CDH13: variants seen among roughly 807,000 people sequenced by gnomAD.
The protein encoded by CDH13 is cadherin 13.
In CDH13, 24 loss-of-function variants were observed where a neutral mutation model predicts 63.8. The observed-to-expected ratio is 0.38, with a 90% confidence interval of 0.27 to 0.53. The LOEUF is 0.53. Among genes scored for constraint, CDH13 ranks in the 20% least tolerant of loss-of-function variants. The pLI is 0.85. For missense variants in CDH13, 1,049 were observed against 903.1 expected (o/e 1.16, Z -2.07); for synonymous variants, 503 against 355.3 (o/e 1.42, Z -4.67).
intron 1 of CDH13, among the ~76,000 whole-genome samples, chr16:82,662,438 A>G (rs922461211): frequency 3.3e-5 from 5 of 152,222 alleles, no homozygotes; most frequent in African/African-American, 9.7e-5. Context: ...ATGAAAACTG[A>G]TGAAAATGAT....
At chr16:82,748,305 C>T (rs906984899) in intron 1 of CDH13, among the ~76,000 whole-genome samples, 1 of 152,182 alleles carries the variant, frequency 6.6e-6, no homozygotes, top group African/African-American at 2.4e-5. Flanking sequence ...GGCTTCATTG[C>T]ACATGGCAAT....
intron 6 of CDH13, among the ~76,000 whole-genome samples, chr16:83,433,251 C>G (rs955131302): frequency 2.0e-5 from 3 of 152,214 alleles, no homozygotes; most frequent in East Asian, 1.9e-4. Flanking sequence ...TAGTCCATGA[C>G]TATTTGCTTA....
intron 2 of CDH13, among the ~76,000 whole-genome samples, chr16:82,945,046 C>T (rs1471986813): frequency 5.3e-5 from 8 of 151,948 alleles, no homozygotes; most frequent in East Asian, 1.9e-4. Flanking sequence ...TTCCTGAGAG[C>T]CAAAACAAAA....
At chr16:83,153,556 A>T (rs938034760) in intron 4 of CDH13, among the ~76,000 whole-genome samples, 4 of 152,226 alleles carry the variant, frequency 2.6e-5, no homozygotes, top group Non-Finnish European at 4.4e-5. Context: ...AGCTCCTCCC[A>T]AAGTTAGTTC....
rs185501368 is a variant in CDH13, at chr16:82,994,033, C to A, written c.158-37977C>A. 6.6e-5 allele frequency among the ~76,000 whole-genome samples: 10 copies of A among 152,296 alleles called. No homozygotes were observed. The East Asian group carries it at 1.9e-3, about 29-fold the overall frequency. On this transcript the variant is annotated intron_variant, in intron 2 of 13. Coordinates refer to ENST00000567109, the MANE Select transcript of CDH13 (RefSeq NM_001257.5). ...ACGGAAATGTCTTCTGCAGAGCCAG[C>A]CCATTCCCTCTGGTGCTGGTCTCAG...
chr16:83,128,248 G>A (rs1017441975), intron 4 of CDH13, among the ~76,000 whole-genome samples: 3 of 152,176 alleles, frequency 2.0e-5, no homozygotes, highest in African/African-American at 7.2e-5. Context: ...ATATGCAGCC[G>A]AGGTGGAGGA....
intron 6 of CDH13, among the ~76,000 whole-genome samples, chr16:83,381,419 G>T (rs988884065): frequency 6.6e-6 from 1 of 151,980 alleles, no homozygotes; most frequent in Non-Finnish European, 1.5e-5. Context: ...GTGACTTTCA[G>T]TGTTGTGCGT....
At chr16:83,433,438 C>T (rs1390588463) in intron 6 of CDH13, among the ~76,000 whole-genome samples, 1 of 152,220 alleles carries the variant, frequency 6.6e-6, no homozygotes, top group Admixed American at 6.5e-5. Flanking sequence ...TCATTCATTA[C>T]TGGGAAAATG....
intron 8 of CDH13, among the ~76,000 whole-genome samples, chr16:83,659,621 A>G (rs1415859085): frequency 6.6e-6 from 1 of 152,150 alleles, no homozygotes; most frequent in Non-Finnish European, 1.5e-5. Flanking sequence ...ACCCCATATC[A>G]TTAGTGGGTT....
intron 10 of CDH13, among the ~76,000 whole-genome samples, chr16:83,747,287 C>T (rs572521684): frequency 8.3e-4 from 127 of 152,262 alleles, no homozygotes; most frequent in Non-Finnish European, 1.2e-3. Flanking sequence ...GGGAGGTAAT[C>T]GAATCATAGG....
At chr16:82,840,147 A>C (rs112630834) in intron 1 of CDH13, among the ~76,000 whole-genome samples, 2 of 152,134 alleles carry the variant, frequency 1.3e-5, no homozygotes, top group Admixed American at 6.5e-5. Context: ...CGCTATAATG[A>C]TAATAGGAGG....
intron 1 of CDH13, among the ~76,000 whole-genome samples, chr16:82,717,611 T>C (rs1234909629): frequency 1.3e-5 from 2 of 152,146 alleles, no homozygotes; most frequent in Non-Finnish European, 2.9e-5. Context: ...GCCACATCAG[T>C]CTAGTCCCTG....
At chr16:83,762,243 T>A (rs558232794) in intron 11 of CDH13, among the ~76,000 whole-genome samples, 103 of 152,306 alleles carry the variant, frequency 6.8e-4, no homozygotes, top group Middle Eastern at 3.4e-3. Flanking sequence ...TGCTGGCATT[T>A]TATCTTTAGA....
intron 5 of CDH13, among the ~76,000 whole-genome samples, chr16:83,240,565 G>T (rs569344241): frequency 6.6e-6 from 1 of 151,824 alleles, no homozygotes; most frequent in African/African-American, 2.4e-5. Flanking sequence ...AGTATGTCTT[G>T]AAAGAGGCAT....
At chr16:83,000,118 C>T (rs918756173) in intron 2 of CDH13, among the ~76,000 whole-genome samples, 15 of 149,496 alleles carry the variant, frequency 1.0e-4, no homozygotes, top group South Asian at 4.3e-4. Context: ...TGTTGCGGAG[C>T]GTTTGGTACC....
intron 2 of CDH13, among the ~76,000 whole-genome samples, chr16:82,883,146 A>G (rs2040763787): frequency 6.6e-6 from 1 of 152,230 alleles, no homozygotes. Context: ...ATAAGAGAAG[A>G]GATAAGAAAT....
chr16:83,268,753 T>C (rs1009849605), intron 5 of CDH13, among the ~76,000 whole-genome samples: 4 of 152,238 alleles, frequency 2.6e-5, no homozygotes, highest in Non-Finnish European at 4.4e-5. Flanking sequence ...AGGATTTATA[T>C]AGTCCATGAA....
Position 83,217,396 on chromosome 16 carries a change from G to A in CDH13, c.535G>A (p.Gly179Arg), listed in dbSNP as rs753097781. Residue 179 changes from glycine (G) to arginine (R), a missense_variant, in exon 5 of 14, where the codon GGA becomes AGA. Transcript: ENST00000567109. ...GTCCAAGTTCCGGCTCACTGGAAAG[G>A]GAGTGGATCAAGAGCCTAAAGGAAT... The part of the protein sequence containing the change: ...ERSKFRLTGK[G>R]VDQEPKGIFR... 2 of 1,613,754 alleles carry A rather than the reference G, an allele frequency of 1.2e-6. No homozygotes were observed. Among genetic ancestry groups the A allele is most frequent in the Non-Finnish European group, 8.5e-7 (1 of 1,179,810 alleles).
At chr16:83,589,285 C>A (rs545683718) in intron 7 of CDH13, among the ~76,000 whole-genome samples, 5 of 128,144 alleles carry the variant, frequency 3.9e-5, no homozygotes, top group African/African-American at 8.6e-5. Flanking sequence ...CTTTCCCCCC[C>A]CCGGACCCCT....
Sources: allele counts gnomAD v4.1 joint callset (sites outside exome capture counted in the v4.1 genomes callset), GRCh38; gene constraint gnomAD v4.1.1; transcripts MANE v1.5; gene names NCBI Gene and HGNC (gene_info 2026-07-23, HGNC 2026-07-21).